FRAS1: variants seen among roughly 807,000 people sequenced by gnomAD.
FRAS1 encodes Fraser extracellular matrix complex subunit 1, also known as extracellular matrix organizing protein FRAS1.
A neutral mutation model predicts 435.2 loss-of-function variants in FRAS1; 290 were observed. The ratio of observed to expected loss-of-function variants is 0.67; its 90% CI spans 0.61 to 0.73. The LOEUF (loss-of-function observed/expected upper bound fraction) is 0.73, where lower values mean the gene tolerates loss of function less well. Among genes scored for constraint, FRAS1 ranks in the 30% least tolerant of loss-of-function variants. The pLI is 0.00. For synonymous variants in FRAS1, 1,800 were observed against 1,851.0 expected, an observed-to-expected ratio of 0.97 and a Z score of 0.71; for missense variants, 4,860 against 5,001.5, an observed-to-expected ratio of 0.97 and a Z score of 0.85.
Position 78,507,417 on chromosome 4 carries a change from G to T in FRAS1, c.9317-4G>T, listed in dbSNP as rs142971896. 6.2e-7 allele frequency: 1 copy of T among 1,606,674 alleles called. No homozygotes were observed. The highest frequency in any genetic ancestry group is 8.5e-7 in the Non-Finnish European group (1 of 1,177,338). On this transcript the variant is annotated splice_region_variant and splice_polypyrimidine_tract_variant and intron_variant, in intron 61 of 73. Coordinates refer to ENST00000512123, the MANE Select transcript of FRAS1 (RefSeq NM_025074.7). ...GCTCTCTTTTTGTTCTGTCCTTGGC[G>T]AAGGTGTGGATCATATCTTTTTTAA... is the stretch of plus-strand genomic sequence containing the variant.
intron 2 of FRAS1, among the ~76,000 whole-genome samples, chr4:78,174,537 T>A (rs149398211): frequency 6.4e-4 from 97 of 152,242 alleles, no homozygotes; most frequent in African/African-American, 1.9e-3. Flanking sequence ...ATATAACCAG[T>A]ATGGAAGGGA....
rs180769452 is a variant in FRAS1 at position 78,178,157 on chromosome 4, C to T, written c.109-59353C>T. On this transcript the variant is annotated intron_variant, in intron 2 of 73. Coordinates refer to ENST00000512123, the MANE Select transcript of FRAS1 (RefSeq NM_025074.7). ...AATCTCTGTCTCTGTCTTCTTGTGG[C>T]TGTTTTTCTTTCTATGTGTATGTGT... is the stretch of plus-strand genomic sequence containing the variant. 5.6e-3 allele frequency among the ~76,000 whole-genome samples: 845 copies of T among 152,178 alleles called. 4 individuals carry two copies. Among genetic ancestry groups the T allele is most frequent in the Admixed American group, 8.8e-3 (135 of 15,286 alleles).
chr4:78,242,039 G>A (rs1167870902), intron 3 of FRAS1, among the ~76,000 whole-genome samples: 1 of 152,130 alleles, frequency 6.6e-6, no homozygotes, highest in Non-Finnish European at 1.5e-5. Flanking sequence ...TGAGAGGCTT[G>A]TACCAGATGA....
At chr4:78,380,212 A>G (rs1731959508) in intron 27 of FRAS1, among the ~76,000 whole-genome samples, 1 of 152,210 alleles carries the variant, frequency 6.6e-6, no homozygotes, top group African/African-American at 2.4e-5. Flanking sequence ...GTTTTCTCAC[A>G]TAATTGTGGG....
intron 2 of FRAS1, among the ~76,000 whole-genome samples, chr4:78,227,062 A>G (rs1040794898): frequency 3.9e-5 from 6 of 152,228 alleles, no homozygotes; most frequent in Non-Finnish European, 8.8e-5. Context: ...GTTATTTAAC[A>G]TGTTTCAAGA....
At chr4:78,098,462 A>G (rs993163347) in intron 2 of FRAS1, among the ~76,000 whole-genome samples, 3 of 151,746 alleles carry the variant, frequency 2.0e-5, no homozygotes, top group African/African-American at 7.3e-5. Context: ...TTTAGTAGAG[A>G]CGGGGTTTCA....
rs571240103 is a variant in FRAS1 at position 78,191,349 on chromosome 4, G to T, written c.109-46161G>T. On this transcript the variant is annotated intron_variant, in intron 2 of 73. Coordinates refer to ENST00000512123, the MANE Select transcript of FRAS1 (RefSeq NM_025074.7). Reference sequence around the variant, plus strand: ...TCTCATTTAAAAAGATGTACCAATTGTTGGCCTTGTCATCTAGCTTTTTGG... The same window carrying T: ...TCTCATTTAAAAAGATGTACCAATTTTTGGCCTTGTCATCTAGCTTTTTGG... Among the ~76,000 whole-genome samples the T allele has an allele frequency of 1.9e-3, 286 of 152,206 alleles. 1 individual carries two copies. Among genetic ancestry groups the T allele is most frequent in the African/African-American group, 6.4e-3 (266 of 41,532 alleles).
At chr4:78,533,534 C>T (rs1207449025) in intron 70 of FRAS1, among the ~76,000 whole-genome samples, 3 of 152,344 alleles carry the variant, frequency 2.0e-5, no homozygotes, top group Non-Finnish European at 4.4e-5. Flanking sequence ...TATGGGAAAC[C>T]ACTGAAGGAT....
At chr4:78,306,178 T>G (rs13120796) in intron 14 of FRAS1, among the ~76,000 whole-genome samples, 41,031 of 151,678 alleles carry the variant, frequency 0.27, 6,402 homozygotes, top group Admixed American at 0.35. Flanking sequence ...TTTAAGAATG[T>G]TGAATATTGG....
Position 78,516,001 on chromosome 4 carries a change from C to A in FRAS1, c.10377C>A (p.Thr3459=), listed in dbSNP as rs3749487. The A allele has an allele frequency of 1.2e-6, 2 of 1,612,272 alleles. No homozygotes were observed. Among genetic ancestry groups the A allele is most frequent in the African/African-American group, 1.3e-5 (1 of 74,856 alleles). Residue 3459 remains threonine, a synonymous_variant, in exon 66 of 74, where the codon ACC becomes ACA. Coordinates refer to ENST00000512123, the MANE Select transcript of FRAS1 (RefSeq NM_025074.7). Reference sequence around the variant, plus strand: ...TTGACGTCTGTGGGGGCTCTGTAACCGCTGACTTCCAGGTAGGTGCCCCGG... The same window carrying A: ...TTGACGTCTGTGGGGGCTCTGTAACAGCTGACTTCCAGGTAGGTGCCCCGG... ...ELIDVCGGSV[T]ADFQVRDSAQ...
At position 78,387,706 on chromosome 4, in the gene FRAS1, G is replaced by C. The variant is rs1350992851; in HGVS notation, c.3975+5G>C. Reference sequence around the variant, plus strand: ...CAAGTGAAGACCGTGCCTCAGGTAGGTGTCATTCCTAGAGTTACAGTTTCT... The same window carrying C: ...CAAGTGAAGACCGTGCCTCAGGTAGCTGTCATTCCTAGAGTTACAGTTTCT... On this transcript the variant is annotated splice_donor_5th_base_variant and intron_variant, in intron 29 of 73. Coordinates refer to ENST00000512123, the MANE Select transcript of FRAS1 (RefSeq NM_025074.7). 7 of 1,503,296 alleles carry C rather than the reference G, an allele frequency of 4.7e-6. No individual in the cohort carries two copies. The highest frequency in any genetic ancestry group is 6.2e-6 in the Non-Finnish European group (7 of 1,121,664). 93.1% of individuals were successfully genotyped at this position (1,503,296 alleles called of 1,614,324 possible).
intron 2 of FRAS1, among the ~76,000 whole-genome samples, chr4:78,139,717 CTG>C (rs1228656898): frequency 6.6e-6 from 1 of 152,178 alleles, no homozygotes; most frequent in Non-Finnish European, 1.5e-5. Flanking sequence ...TAAAAAAAGA[CTG>C]TGAACAATAT....
chr4:78,401,245 G>A (rs1453469072), intron 30 of FRAS1, among the ~76,000 whole-genome samples: 1 of 148,434 alleles, frequency 6.7e-6, no homozygotes, highest in Admixed American at 6.7e-5. Flanking sequence ...TGCCTTTTAG[G>A]ATATCACTAG....
At chr4:78,211,710 A>G (rs938506427) in intron 2 of FRAS1, among the ~76,000 whole-genome samples, 3 of 152,242 alleles carry the variant, frequency 2.0e-5, no homozygotes, top group African/African-American at 7.2e-5. Context: ...TAATATATGT[A>G]CAGCATAAAA....
chr4:78,392,441 G>GA (rs1732484010), intron 29 of FRAS1, among the ~76,000 whole-genome samples: 1 of 152,004 alleles, frequency 6.6e-6, no homozygotes, highest in Admixed American at 6.6e-5. Context: ...CTTCATTTAT[G>GA]ACTCAACCTT....
intron 28 of FRAS1, among the ~76,000 whole-genome samples, chr4:78,385,828 T>C (rs1179472916): frequency 6.7e-6 from 1 of 148,394 alleles, no homozygotes; most frequent in African/African-American, 2.5e-5. Flanking sequence ...GAGGTTGCAG[T>C]GAGCTGAGAT....
intron 14 of FRAS1, among the ~76,000 whole-genome samples, chr4:78,287,006 A>G (rs141781620): frequency 8.8e-4 from 134 of 152,348 alleles, no homozygotes; most frequent in African/African-American, 3.1e-3. Context: ...ACTGCCATAT[A>G]GAACTACCTG....
At chr4:78,491,360 A>T (rs10025557) in intron 59 of FRAS1, among the ~76,000 whole-genome samples, 113,919 of 151,774 alleles carry the variant, frequency 0.75, 43,729 homozygotes, top group East Asian at 1. Context: ...ACAAAAAAAA[A>T]TTCAGGCCAA....
At chr4:78,100,685 C>A (rs1742078334) in intron 2 of FRAS1, among the ~76,000 whole-genome samples, 1 of 152,146 alleles carries the variant, frequency 6.6e-6, no homozygotes, top group Admixed American at 6.5e-5. Flanking sequence ...GCACTCTGTG[C>A]TTTTTTCACT....
Sources: gnomAD v4.1 joint callset for allele counts (sites outside exome capture counted in the v4.1 genomes callset) on GRCh38, gnomAD v4.1.1 for gene constraint, MANE v1.5 for transcripts, NCBI Gene and HGNC (gene_info 2026-07-23, HGNC 2026-07-21) for gene names.